The following CTNND2 variants were observed in gnomAD, a reference collection of about 807,000 sequenced individuals.
CTNND2 encodes catenin delta-2.
A neutral mutation model predicts 144.4 loss-of-function variants in CTNND2; 22 were observed. The ratio of observed to expected loss-of-function variants is 0.15; its 90% CI spans 0.11 to 0.22. CTNND2 has a LOEUF of 0.22. Ranked by LOEUF, CTNND2 falls within the 10% of genes least tolerant of loss-of-function variation. CTNND2 has a pLI of 1.00. For synonymous variants in CTNND2, 751 were observed against 695.6 expected (o/e 1.08, Z -1.25); for missense variants, 1,353 against 1,618.8 (o/e 0.84, Z 2.82).
At chr5:10,989,243 C>T (rs1219020191) in intron 19 of CTNND2, among the ~76,000 whole-genome samples, 3 of 152,160 alleles carry the variant, frequency 2.0e-5, no homozygotes, top group Non-Finnish European at 4.4e-5. Flanking sequence ...CGCACCCCAC[C>T]CTGTGGGCAC....
At chr5:11,201,758 G>C (rs532119387) in intron 10 of CTNND2, among the ~76,000 whole-genome samples, 1 of 152,226 alleles carries the variant, frequency 6.6e-6, no homozygotes, top group Non-Finnish European at 1.5e-5. Context: ...CACAGCACCT[G>C]GGTAAGGGAG....
intron 10 of CTNND2, among the ~76,000 whole-genome samples, chr5:11,223,335 C>T (rs1291526417): frequency 6.6e-6 from 1 of 152,192 alleles, no homozygotes; most frequent in African/African-American, 2.4e-5. Context: ...GATCTCCCCA[C>T]TGTACTCCAG....
At chr5:11,575,890 G>A (rs950573043) in intron 2 of CTNND2, among the ~76,000 whole-genome samples, 6 of 151,906 alleles carry the variant, frequency 3.9e-5, no homozygotes, top group African/African-American at 7.3e-5. Context: ...CATCCATTCC[G>A]AAAGCCTCAA....
intron 17 of CTNND2, among the ~76,000 whole-genome samples, chr5:11,020,011 T>C (rs1158817718): frequency 6.6e-6 from 1 of 152,154 alleles, no homozygotes; most frequent in Non-Finnish European, 1.5e-5. Flanking sequence ...AATTACACAA[T>C]TGGAGTTTGA....
At chr5:11,236,605 C>A in intron 10 of CTNND2, 86 bp downstream of exon 10, 4 of 1,400,996 alleles carry the variant, frequency 2.9e-6, no homozygotes, top group Non-Finnish European at 4.0e-6. Flanking sequence ...CTTCAGTTCT[C>A]CTAATTCTTT....
intron 2 of CTNND2, among the ~76,000 whole-genome samples, chr5:11,689,126 T>A (rs1012794778): frequency 1.3e-5 from 2 of 152,190 alleles, no homozygotes; most frequent in African/African-American, 4.8e-5. Flanking sequence ...ATATGGAGCA[T>A]AGGGCAGCTG....
intron 3 of CTNND2, among the ~76,000 whole-genome samples, chr5:11,514,182 C>G (rs1161765898): frequency 9.7e-5 from 13 of 133,706 alleles, no homozygotes; most frequent in Non-Finnish European, 6.3e-5. Context: ...AAGACCCTGT[C>G]TCAGAAAAGA....
chr5:11,384,924 G>A lies in CTNND2; in HGVS notation c.918C>T (p.Arg306=), dbSNP rs1758895336. 2 of 1,602,198 alleles carry A rather than the reference G, an allele frequency of 1.2e-6. No individual in the cohort carries two copies. Among genetic ancestry groups the A allele is most frequent in the African/African-American group, 1.3e-5 (1 of 74,698 alleles). The change falls in exon 7 of 22, where the codon CGC becomes CGT. Residue 306 remains arginine (R), a synonymous_variant. Coordinates refer to ENST00000304623, the MANE Select transcript of CTNND2 (RefSeq NM_001332.4). The surrounding 1 kb of genome is among the most constrained non-coding windows in gnomAD (Gnocchi z 5.2). The stretch of plus-strand genomic sequence containing the variant: ...AGCTGGTGCTGTAGGACTTGGCCAG[G>A]CGGCTGGGCGACTGCTTGGGCGAGG... ...RGSSPKQSPS[R]LAKSYSTSSP... is the part of the protein sequence containing the mutation.
intron 1 of CTNND2, among the ~76,000 whole-genome samples, chr5:11,865,915 A>AAAAAAAAAAAAC (rs1553986082): frequency 2.7e-4 from 41 of 149,340 alleles, no homozygotes; most frequent in East Asian, 6.0e-4. Context: ...AAAAAAAAAA[A>AAAAAAAAAAAAC]CGAGTTCTCC....
At chr5:11,406,570 G>A (rs758886320) in intron 5 of CTNND2, among the ~76,000 whole-genome samples, 3 of 151,972 alleles carry the variant, frequency 2.0e-5, no homozygotes, top group Non-Finnish European at 2.9e-5. Context: ...TATTATTATT[G>A]CATGAGAACA....
intron 3 of CTNND2, among the ~76,000 whole-genome samples, chr5:11,561,993 C>G (rs544970569): frequency 1.3e-5 from 2 of 152,120 alleles, no homozygotes; most frequent in East Asian, 3.9e-4. Context: ...CTGCAGTAAG[C>G]CGAGATCGTG....
intron 16 of CTNND2, among the ~76,000 whole-genome samples, chr5:11,078,492 C>CAGT (rs1468321655): frequency 4.6e-5 from 7 of 152,110 alleles, no homozygotes; most frequent in African/African-American, 1.7e-4. Flanking sequence ...TGAACACAGG[C>CAGT]AGTATAGTGG....
At chr5:11,545,137 G>GA (rs1282540729) in intron 3 of CTNND2, among the ~76,000 whole-genome samples, 1,655 of 108,400 alleles carry the variant, frequency 0.015, 11 homozygotes, top group Non-Finnish European at 0.021. Context: ...AAAAAAAAAG[G>GA]AAAAAAAAAA....
At chr5:11,189,090 G>C (rs1735982742) in intron 11 of CTNND2, among the ~76,000 whole-genome samples, 1 of 152,144 alleles carries the variant, frequency 6.6e-6, no homozygotes, top group Non-Finnish European at 1.5e-5. Context: ...TCTGTTAATA[G>C]ATTATGAAAT....
intron 6 of CTNND2, among the ~76,000 whole-genome samples, chr5:11,389,848 G>A (rs62337473): frequency 0.35 from 53,810 of 151,724 alleles, 10,706 homozygotes; most frequent in East Asian, 0.51. Flanking sequence ...GCTTTCTGAT[G>A]GTATAATGTA....
At chr5:11,861,830 C>G (rs1795517897) in intron 1 of CTNND2, among the ~76,000 whole-genome samples, 1 of 152,184 alleles carries the variant, frequency 6.6e-6, no homozygotes, top group Non-Finnish European at 1.5e-5. Context: ...CATGATTGGA[C>G]TCCTTGGCAT....
At chr5:11,760,246 G>A (rs1789182330) in intron 1 of CTNND2, among the ~76,000 whole-genome samples, 1 of 152,012 alleles carries the variant, frequency 6.6e-6, no homozygotes, top group Non-Finnish European at 1.5e-5. Flanking sequence ...TATTCTAGAA[G>A]CTCTTGGGAA....
chr5:10,992,834 C>G (rs1738852285), intron 18 of CTNND2, among the ~76,000 whole-genome samples, 157 bp from the exon 19 acceptor site: 1 of 152,110 alleles, frequency 6.6e-6, no homozygotes, highest in South Asian at 2.1e-4. Flanking sequence ...GTGAACAGAG[C>G]CAAATGTGAA....
At chr5:11,329,519 T>C (rs1210228357) in intron 9 of CTNND2, among the ~76,000 whole-genome samples, 1 of 152,072 alleles carries the variant, frequency 6.6e-6, no homozygotes, top group African/African-American at 2.4e-5. Context: ...ACTGGGGGGT[T>C]GGGATTTCAA....
Sources: allele counts gnomAD v4.1 joint callset (sites outside exome capture counted in the v4.1 genomes callset), GRCh38; gene constraint gnomAD v4.1.1; non-coding constraint Gnocchi (gnomAD v3.1); transcripts MANE v1.5; gene names NCBI Gene and HGNC (gene_info 2026-07-23, HGNC 2026-07-21).